Variants in RASA1 observed in about 807,000 individuals in gnomAD.
The protein encoded by RASA1 is ras GTPase-activating protein 1.
A neutral mutation model predicts 132.2 loss-of-function variants in RASA1; 25 were observed. That is an observed-to-expected ratio of 0.19 (90% confidence interval 0.14 to 0.26). The LOEUF (loss-of-function observed/expected upper bound fraction) is 0.26, where lower values mean the gene tolerates loss of function less well. Ranked by LOEUF, RASA1 falls within the 10% of genes least tolerant of loss-of-function variation. RASA1 has a pLI of 1.00. For synonymous variants in RASA1, 477 were observed against 449.9 expected (o/e 1.06, Z -0.76); for missense variants, 964 against 1,299.2 (o/e 0.74, Z 3.97).
intron 1 of RASA1, among the ~76,000 whole-genome samples, chr5:87,276,000 C>T (rs1350367619): frequency 6.6e-6 from 1 of 152,160 alleles, no homozygotes; most frequent in Admixed American, 6.5e-5. Flanking sequence ...GTGCTGGTCA[C>T]ATAACCCAGT....
Position 87,353,278 on chromosome 5 carries a change from T to TA in RASA1, c.1332+47dup, listed in dbSNP as rs772470118. On this transcript the variant is annotated intron_variant, in intron 9 of 24. Coordinates refer to ENST00000274376, the MANE Select transcript of RASA1 (RefSeq NM_002890.3). ...TATTGCAATAATTAGCATTTTATTT[T>TA]AAAATGCATTTTGGTGGTATGTTTT... 10 of 1,466,208 alleles carry TA rather than the reference T, an allele frequency of 6.8e-6. No individual in the cohort carries two copies. The Admixed American group carries it at 1.5e-4, about 22-fold the overall frequency. 90.8% of individuals were successfully genotyped at this position (1,466,208 alleles called of 1,614,324 possible).
At position 87,391,726 on chromosome 5, in the gene RASA1, A is replaced by G. The variant is rs1244464597; in HGVS notation, c.*843A>G. On this transcript the variant is annotated 3_prime_UTR_variant, in exon 25 of 25. Coordinates refer to ENST00000274376, the MANE Select transcript of RASA1 (RefSeq NM_002890.3). ...TTTTGTTAAAAGTTATTTGTTCATTATTTGTGCTACCCCTTTGATTATGCA... is the reference window on the plus strand; with the variant it reads ...TTTTGTTAAAAGTTATTTGTTCATTGTTTGTGCTACCCCTTTGATTATGCA... The G allele has an allele frequency of 8.6e-6, 2 of 231,824 alleles. No homozygotes were observed. The highest frequency in any genetic ancestry group is 2.2e-5 in the African/African-American group (1 of 45,248). 14.4% of individuals were successfully genotyped at this position (231,824 alleles called of 1,614,324 possible).
At chr5:87,390,007 A>G (rs1762377035) in intron 24 of RASA1, among the ~76,000 whole-genome samples, 1 of 152,182 alleles carries the variant, frequency 6.6e-6, no homozygotes, top group Non-Finnish European at 1.5e-5. Context: ...ACAAACTCTT[A>G]GAGGAATTTA....
At chr5:87,386,614 CATT>C (rs767595504) in intron 22 of RASA1, among the ~76,000 whole-genome samples, 4 of 151,994 alleles carry the variant, frequency 2.6e-5, no homozygotes, top group Non-Finnish European at 5.9e-5. Context: ...AAAATACTGT[CATT>C]ATATGATTTA....
At chr5:87,305,222 G>A (rs557802820) in intron 1 of RASA1, among the ~76,000 whole-genome samples, 8 of 152,152 alleles carry the variant, frequency 5.3e-5, no homozygotes, top group Middle Eastern at 3.4e-3. Context: ...CGAAACTGGA[G>A]GCATCATGCT....
intron 1 of RASA1, among the ~76,000 whole-genome samples, chr5:87,283,846 A>G (rs1040567466): frequency 2.0e-5 from 3 of 152,158 alleles, no homozygotes; most frequent in Admixed American, 6.5e-5. Context: ...AGGAGGAATT[A>G]GGGTGTTATA....
intron 1 of RASA1, among the ~76,000 whole-genome samples, chr5:87,285,191 C>T (rs974403853): frequency 2.0e-5 from 3 of 151,766 alleles, no homozygotes; most frequent in Non-Finnish European, 4.4e-5. Flanking sequence ...CCTCAGCTTC[C>T]CAAGTAGCTG....
At chr5:87,299,591 A>G (rs1199903321) in intron 1 of RASA1, 1 of 152,136 alleles carries the variant, frequency 6.6e-6, no homozygotes, top group Non-Finnish European at 1.5e-5. Context: ...TATGTAGTGA[A>G]GTAATTACTA....
chr5:87,328,307 C>T (rs1046147511), intron 1 of RASA1, among the ~76,000 whole-genome samples: 5 of 114,836 alleles, frequency 4.4e-5, no homozygotes, highest in African/African-American at 6.9e-5. Context: ...TTGAGGTATT[C>T]TAGATTCCAG....
At chr5:87,280,321 C>CT (rs796080327) in intron 1 of RASA1, among the ~76,000 whole-genome samples, 290 of 147,412 alleles carry the variant, frequency 2.0e-3, no homozygotes, top group Middle Eastern at 3.5e-3. Flanking sequence ...TTCTTTCTTT[C>CT]TTTTTTTTTT....
chr5:87,341,347 G>GA lies in RASA1; in HGVS notation c.1049+36dup, dbSNP rs35694079. Reference sequence around the variant, plus strand: ...GTGAGTTTGTGTTAATTATTAAAATGAAAAAAAAAATCTATATTGTAAATT... The same window carrying GA: ...GTGAGTTTGTGTTAATTATTAAAATGAAAAAAAAAAATCTATATTGTAAATT... On this transcript the variant is annotated intron_variant, in intron 6 of 24. Coordinates refer to ENST00000274376, the MANE Select transcript of RASA1 (RefSeq NM_002890.3). 536,606 of 1,185,996 alleles carry GA rather than the reference G, an allele frequency of 0.45. 106,178 individuals carry two copies. The highest frequency in any genetic ancestry group is 0.78 in the African/African-American group (46,435 of 59,258). 73.5% of individuals were successfully genotyped at this position (1,185,996 alleles called of 1,614,324 possible).
chr5:87,365,027 G>A (rs182523365), intron 11 of RASA1, among the ~76,000 whole-genome samples: 22 of 152,146 alleles, frequency 1.4e-4, no homozygotes, highest in Admixed American at 1.1e-3. Context: ...GTTTATTATC[G>A]TGAAAACAGT....
intron 18 of RASA1, among the ~76,000 whole-genome samples, chr5:87,378,952 AAAAC>A (rs1761515844): frequency 6.6e-6 from 1 of 152,200 alleles, no homozygotes; most frequent in Non-Finnish European, 1.5e-5. Context: ...AACCTCAACT[AAAAC>A]AAAAAAATCT....
intron 9 of RASA1, among the ~76,000 whole-genome samples, chr5:87,359,425 C>T (rs1382080764): frequency 1.3e-5 from 2 of 152,128 alleles, no homozygotes; most frequent in African/African-American, 4.8e-5. Flanking sequence ...TGTGTTTTTG[C>T]CCATAGCATC....
At position 87,275,586 on chromosome 5, in the gene RASA1, TTC is replaced by T. The variant is rs1754027548; in HGVS notation, c.539+6597_539+6598del. Among the ~76,000 whole-genome samples, 16 of 151,930 alleles carry T rather than the reference TTC, an allele frequency of 1.1e-4. 1 individual carries two copies. In the South Asian group the frequency reaches 3.3e-3, roughly 32 times the overall value. On this transcript the variant is annotated intron_variant, in intron 1 of 24. Coordinates refer to ENST00000274376, the MANE Select transcript of RASA1 (RefSeq NM_002890.3). ...AAGAAGGTTGGCCTTCTTTTTTTTT[TTC>T]CCCCCTGAGATGGAGTCTTGCCCTG...
intron 1 of RASA1, among the ~76,000 whole-genome samples, chr5:87,306,846 C>T (rs1292959964): frequency 2.6e-5 from 4 of 152,010 alleles, no homozygotes; most frequent in Non-Finnish European, 5.9e-5. Context: ...ACATGTATGT[C>T]TGCGTACCCT....
chr5:87,270,879 GTCAGAGTTTGGTTCA>G (rs1753801491), intron 1 of RASA1, among the ~76,000 whole-genome samples: 1 of 151,942 alleles, frequency 6.6e-6, no homozygotes, highest in Admixed American at 6.6e-5. Context: ...CAAGTCTTTC[GTCAGAGTTTGGTTCA>G]TATTTTAATG....
At chr5:87,388,678 T>C (rs968368616) in intron 23 of RASA1, among the ~76,000 whole-genome samples, 2 of 152,184 alleles carry the variant, frequency 1.3e-5, no homozygotes, top group African/African-American at 4.8e-5. Flanking sequence ...TCCCACACAT[T>C]AGCAAGTATT....
Position 87,389,319 on chromosome 5 carries a change from G to A in RASA1, c.2926-74G>A, listed in dbSNP as rs150203382. 1.8e-3 allele frequency: 2,902 copies of A among 1,577,292 alleles called. 24 individuals are homozygous for A. The highest frequency in any genetic ancestry group is 0.014 in the East Asian group (627 of 43,650). ...GCATTTCAGCCTGGGCAACAAGAGCGAAACTCTGTCTCAAAAAAAACAAAA... is the reference window on the plus strand; with the variant it reads ...GCATTTCAGCCTGGGCAACAAGAGCAAAACTCTGTCTCAAAAAAAACAAAA... On this transcript the variant is annotated intron_variant, in intron 23 of 24. Transcript: ENST00000274376.
Sources: allele counts gnomAD v4.1 joint callset (sites outside exome capture counted in the v4.1 genomes callset), GRCh38; gene constraint gnomAD v4.1.1; transcripts MANE v1.5; gene names NCBI Gene and HGNC (gene_info 2026-07-23, HGNC 2026-07-21).